Variants in TCF12 observed in about 807,000 individuals in gnomAD.
TCF12 encodes DNA-binding protein HTF4.
In TCF12, 45 loss-of-function variants were observed where a neutral mutation model predicts 86.0. The observed-to-expected ratio is 0.52, with a 90% CI of 0.41 to 0.67. The LOEUF (loss-of-function observed/expected upper bound fraction) is 0.67. TCF12 is among the 30% of genes least tolerant of loss of function. TCF12 has a pLI of 0.00. For synonymous variants in TCF12, 330 were observed against 299.6 expected (o/e 1.10, Z -1.05); for missense variants, 881 against 859.9 (o/e 1.02, Z -0.31).
intron 3 of TCF12, among the ~76,000 whole-genome samples, chr15:56,949,573 A>G (rs1490718438): frequency 6.6e-6 from 1 of 152,210 alleles, no homozygotes; most frequent in Non-Finnish European, 1.5e-5. Context: ...AAAACAGTGT[A>G]AGAAGACCGG....
At chr15:56,941,366 C>CA (rs201906941) in intron 3 of TCF12, among the ~76,000 whole-genome samples, 1,817 of 134,740 alleles carry the variant, frequency 0.013, 15 homozygotes, top group Non-Finnish European at 0.021. Flanking sequence ...GACCCTGTCT[C>CA]AAAAAAATTT....
intron 5 of TCF12, among the ~76,000 whole-genome samples, chr15:57,157,303 C>T (rs2054180139): frequency 6.6e-6 from 1 of 151,792 alleles, no homozygotes; most frequent in African/African-American, 2.4e-5. Context: ...AAACAGCTCC[C>T]CTAGTTCTGT....
intron 3 of TCF12, among the ~76,000 whole-genome samples, chr15:56,975,224 G>A (rs2062539519): frequency 6.6e-6 from 1 of 152,162 alleles, no homozygotes; most frequent in African/African-American, 2.4e-5. Context: ...TTGGCTTATG[G>A]CCATGATCTA....
chr15:57,133,817 T>G (rs75360336), intron 5 of TCF12, among the ~76,000 whole-genome samples: 2 of 152,244 alleles, frequency 1.3e-5, no homozygotes, highest in Admixed American at 6.5e-5. Context: ...TAGGATGTTA[T>G]GTGCTTTTCT....
At chr15:56,940,933 T>C (rs1595772602) in intron 3 of TCF12, among the ~76,000 whole-genome samples, 1 of 148,902 alleles carries the variant, frequency 6.7e-6, no homozygotes, top group Admixed American at 6.6e-5. Flanking sequence ...TTTTTTTTTT[T>C]CTTTTTGGGT....
chr15:56,939,475 T>G (rs2060629441), intron 3 of TCF12, among the ~76,000 whole-genome samples: 1 of 152,206 alleles, frequency 6.6e-6, no homozygotes. Context: ...GTTGGGAAAT[T>G]CTGAGGTTTT....
chr15:57,017,685 G>T (rs1455217864), intron 3 of TCF12, among the ~76,000 whole-genome samples: 1 of 149,122 alleles, frequency 6.7e-6, no homozygotes, highest in African/African-American at 2.4e-5. Flanking sequence ...CAGTTAAACT[G>T]TAAGCAACCT....
In TCF12 at chr15:57,077,339, G is replaced by A. The variant is rs1447075547; in HGVS notation, c.222+13516G>A. On this transcript the variant is annotated intron_variant, in intron 4 of 20. Coordinates refer to ENST00000333725, the MANE Select transcript of TCF12 (RefSeq NM_207037.2). ...TATATGTATATATATGTGTGTGTGTGTGTGTGTGTGTGTGTGTGTGTGTGT... is the reference window on the plus strand; with the variant it reads ...TATATGTATATATATGTGTGTGTGTATGTGTGTGTGTGTGTGTGTGTGTGT... 1.4e-4 allele frequency among the ~76,000 whole-genome samples: 4 copies of A among 28,292 alleles called. 1 individual carries two copies. Among genetic ancestry groups the A allele is most frequent in the African/African-American group, 3.8e-4 (4 of 10,420 alleles). The allele number at this position is 28,292 out of a possible 152,430, so 18.6% of individuals were successfully genotyped here.
At chr15:57,232,212 C>G (rs754909359) in intron 9 of TCF12, 79 bp from the exon 10 acceptor site, 15 of 1,549,364 alleles carry the variant, frequency 9.7e-6, no homozygotes, top group Non-Finnish European at 1.3e-5. Context: ...GAGGGTACCC[C>G]TTGAATTTTT....
intron 18 of TCF12, among the ~76,000 whole-genome samples, chr15:57,269,914 G>T (rs1399144226): frequency 6.6e-6 from 1 of 152,188 alleles, no homozygotes; most frequent in Non-Finnish European, 1.5e-5. Context: ...TAGGGTTTCT[G>T]CAGAGAGATC....
intron 3 of TCF12, among the ~76,000 whole-genome samples, chr15:57,006,620 C>G (rs762114505): frequency 2.0e-5 from 3 of 151,650 alleles, no homozygotes; most frequent in Non-Finnish European, 4.4e-5. Context: ...AATTACTTTC[C>G]TTTTGAAAAT....
Position 57,263,289 on chromosome 15 carries a change from C to T in TCF12, c.1745+15C>T. ...GGCAGAACAAGGTATTTGTTAGCAT[C>T]CAGGTTTTAAATTTTATTCATTTTC... On this transcript the variant is annotated intron_variant, in intron 18 of 20. Coordinates refer to ENST00000333725, the MANE Select transcript of TCF12 (RefSeq NM_207037.2). 6.3e-7 allele frequency: 1 copy of T among 1,591,694 alleles called. No homozygotes were observed. The highest frequency in any genetic ancestry group is 8.5e-7 in the Non-Finnish European group (1 of 1,175,190).
At chr15:57,047,832 A>G (rs1031509190) in intron 3 of TCF12, among the ~76,000 whole-genome samples, 17 of 152,208 alleles carry the variant, frequency 1.1e-4, no homozygotes, top group African/African-American at 3.4e-4. Context: ...TAACATCATA[A>G]AGAGTACAGT....
chr15:56,972,334 G>T (rs2140763423), intron 3 of TCF12, among the ~76,000 whole-genome samples: 1 of 152,322 alleles, frequency 6.6e-6, no homozygotes, highest in South Asian at 2.1e-4. Context: ...AAAATAATAT[G>T]TATTATTTGT....
At chr15:57,149,904 G>A (rs1163945868) in intron 5 of TCF12, among the ~76,000 whole-genome samples, 1 of 152,072 alleles carries the variant, frequency 6.6e-6, no homozygotes. Flanking sequence ...TTCCTTTAAA[G>A]GGGGTGTGTG....
chr15:57,247,559 C>A, intron 13 of TCF12: 1 of 911,202 alleles, frequency 1.1e-6, no homozygotes, highest in Non-Finnish European at 1.8e-6. Flanking sequence ...TGTCTTTTTT[C>A]CACTCTGCCT....
intron 8 of TCF12, among the ~76,000 whole-genome samples, chr15:57,223,370 G>C (rs2058691650): frequency 6.6e-6 from 1 of 151,904 alleles, no homozygotes; most frequent in Non-Finnish European, 1.5e-5. Context: ...TGTGTATTTG[G>C]ATATGTAAAA....
At chr15:56,934,816 G>C (rs1397814918) in intron 3 of TCF12, among the ~76,000 whole-genome samples, 4 of 152,170 alleles carry the variant, frequency 2.6e-5, no homozygotes. Flanking sequence ...ATGGAGGTCA[G>C]TGTACTTGTG....
intron 16 of TCF12, among the ~76,000 whole-genome samples, chr15:57,254,281 C>T (rs1410418134): frequency 1.3e-5 from 2 of 152,086 alleles, no homozygotes; most frequent in Admixed American, 1.3e-4. Flanking sequence ...TAATTAATTG[C>T]CCTAAATGCT....
Sources: gnomAD v4.1 joint callset for allele counts (sites outside exome capture counted in the v4.1 genomes callset) on GRCh38, gnomAD v4.1.1 for gene constraint, MANE v1.5 for transcripts, NCBI Gene and HGNC (gene_info 2026-07-23, HGNC 2026-07-21) for gene names.